PLCL1: variants seen among roughly 807,000 people sequenced by gnomAD.
PLCL1 encodes inactive phospholipase C-like protein 1.
In PLCL1, 41 loss-of-function variants were observed where a neutral mutation model predicts 84.4. The observed-to-expected ratio is 0.49, with a 90% CI of 0.38 to 0.63. PLCL1 has a LOEUF of 0.63. Among genes scored for constraint, PLCL1 ranks in the 30% least tolerant of loss-of-function variants. The pLI, the probability that PLCL1 is intolerant of heterozygous loss-of-function variation, is 0.00. For synonymous variants in PLCL1, 490 were observed against 488.3 expected (o/e 1.00, Z -0.05); for missense variants, 1,206 against 1,367.8 (o/e 0.88, Z 1.87).
At position 197,805,394 on chromosome 2, in the gene PLCL1, G is replaced by A. The variant is rs540907120; in HGVS notation, c.240+55G>A. The A allele has an allele frequency of 7.6e-6, 10 of 1,308,312 alleles. No individual in the cohort carries two copies. The highest frequency in any genetic ancestry group is 6.2e-5 in the East Asian group (2 of 32,496). 81.0% of individuals were successfully genotyped at this position (1,308,312 alleles called of 1,614,324 possible). On this transcript the variant is annotated intron_variant, in intron 1 of 5. Coordinates refer to ENST00000428675, the MANE Select transcript of PLCL1 (RefSeq NM_006226.4). The surrounding 1 kb of genome is among the most constrained non-coding windows in gnomAD (Gnocchi z 4.0). ...TGGCTGTGGGTGATGGGTGGGTCAG[G>A]GACCCGGGCAGGATGTGCGGTGTCC... is the stretch of plus-strand genomic sequence containing the variant.
intron 1 of PLCL1, among the ~76,000 whole-genome samples, chr2:198,079,785 A>C (rs1310081682): frequency 6.6e-6 from 1 of 152,180 alleles, no homozygotes; most frequent in African/African-American, 2.4e-5. Flanking sequence ...AGAAATGATA[A>C]TTTGGAGACT....
At position 198,117,338 on chromosome 2, in the gene PLCL1, C is replaced by CTT. The variant is rs5837581; in HGVS notation, c.3105+13412_3105+13413dup. Among the ~76,000 whole-genome samples the CTT allele has an allele frequency of 5.5e-3, 775 of 140,526 alleles. 7 individuals carry two copies. The highest frequency in any genetic ancestry group is 0.021 in the South Asian group (93 of 4,446). 92.2% of individuals were successfully genotyped at this position (140,526 alleles called of 152,430 possible). Reference sequence around the variant, plus strand: ...ATCAGTCATTTTCTGTTTTTTTTTTCTTTTTTTTTTTCAGATTCAATTGGG... The same window carrying CTT: ...ATCAGTCATTTTCTGTTTTTTTTTTCTTTTTTTTTTTTTCAGATTCAATTGGG... On this transcript the variant is annotated intron_variant, in intron 5 of 5. Transcript: ENST00000428675.
intron 5 of PLCL1, among the ~76,000 whole-genome samples, chr2:198,128,624 T>G (rs1417996878): frequency 6.6e-6 from 1 of 152,160 alleles, no homozygotes; most frequent in Non-Finnish European, 1.5e-5. Flanking sequence ...GCAAAACTTC[T>G]CAAGTACTGA....
chr2:197,832,368 T>C (rs974278863), intron 1 of PLCL1, among the ~76,000 whole-genome samples: 21 of 152,170 alleles, frequency 1.4e-4, no homozygotes, highest in Admixed American at 1.3e-3. Context: ...AAGAGAATAC[T>C]ATAAACACCT....
chr2:198,136,210 T>A lies in PLCL1; in HGVS notation c.3106-10570T>A, dbSNP rs541394937. ...TGTTATTTCTGTTTATATAATAGAA[T>A]AATAATTGCTAACGATCATTAGAGT... On this transcript the variant is annotated intron_variant, in intron 5 of 5. Coordinates refer to ENST00000428675, the MANE Select transcript of PLCL1 (RefSeq NM_006226.4). Among the ~76,000 whole-genome samples the A allele has an allele frequency of 1.7e-3, 253 of 152,302 alleles. 1 individual carries two copies. Among genetic ancestry groups the A allele is most frequent in the African/African-American group, 5.8e-3 (242 of 41,586 alleles).
chr2:198,100,080 A>G (rs1401751102), intron 3 of PLCL1, among the ~76,000 whole-genome samples: 1 of 152,168 alleles, frequency 6.6e-6, no homozygotes, highest in Non-Finnish European at 1.5e-5. Flanking sequence ...AGAAGTGGTC[A>G]GTAATAAATA....
At chr2:197,860,756 T>A (rs1687416327) in intron 1 of PLCL1, among the ~76,000 whole-genome samples, 1 of 152,214 alleles carries the variant, frequency 6.6e-6, no homozygotes. Flanking sequence ...TCCTTATAGA[T>A]GCTGGATATT....
At position 198,148,278 on chromosome 2, in the gene PLCL1, C is replaced by G. The variant is rs1022468933; in HGVS notation, c.*1316C>G. The G allele has an allele frequency of 1.3e-5, 2 of 152,182 alleles. No homozygotes were observed. The allele number at this position is 152,182 out of a possible 1,614,324, so 9.4% of individuals were successfully genotyped here. On this transcript the variant is annotated 3_prime_UTR_variant, in exon 6 of 6. Coordinates refer to ENST00000428675, the MANE Select transcript of PLCL1 (RefSeq NM_006226.4). ...AACAAATATGCTAATTTGGGGAAAC[C>G]TAGAGAAGATAATTGTTGAAATTTT...
chr2:197,818,159 A>G (rs934402167), intron 1 of PLCL1, among the ~76,000 whole-genome samples: 1 of 152,092 alleles, frequency 6.6e-6, no homozygotes, highest in Non-Finnish European at 1.5e-5. Context: ...AGATTTACCA[A>G]TAGGGAGAAA....
At chr2:198,139,283 G>A (rs1053513774) in intron 5 of PLCL1, among the ~76,000 whole-genome samples, 4 of 152,134 alleles carry the variant, frequency 2.6e-5, no homozygotes, top group Non-Finnish European at 4.4e-5. Context: ...ATGTTATGCC[G>A]ACCTTAATTG....
rs1184163632 is a variant in PLCL1, at chr2:197,897,198, C to CT, written c.240+91861dup. Among the ~76,000 whole-genome samples, 4 of 31,538 alleles carry CT rather than the reference C, an allele frequency of 1.3e-4. 1 individual carries two copies. Among genetic ancestry groups the CT allele is most frequent in the Admixed American group, 7.9e-4 (2 of 2,544 alleles). The allele number at this position is 31,538 out of a possible 152,430, so 20.7% of individuals were successfully genotyped here. A position where few individuals can be genotyped will look rare whatever the true frequency, so the allele number is the denominator to read the frequency against. ...TCTTCTTCTTCTTCTTCTCCTTCTC[C>CT]TTCTTCTTTCTTCTTCCTCTTCTTC... On this transcript the variant is annotated intron_variant, in intron 1 of 5. Coordinates refer to ENST00000428675, the MANE Select transcript of PLCL1 (RefSeq NM_006226.4).
chr2:197,893,594 A>C (rs907040825), intron 1 of PLCL1, among the ~76,000 whole-genome samples: 2 of 152,238 alleles, frequency 1.3e-5, no homozygotes, highest in Non-Finnish European at 2.9e-5. Context: ...TGAGGCTCAG[A>C]GAAGTGAAAT....
At chr2:197,952,150 T>G (rs1364528993) in intron 1 of PLCL1, among the ~76,000 whole-genome samples, 2 of 152,124 alleles carry the variant, frequency 1.3e-5, no homozygotes, top group African/African-American at 4.8e-5. Context: ...GCAGTGAAAG[T>G]TTTCTTTACA....
intron 1 of PLCL1, among the ~76,000 whole-genome samples, chr2:197,901,389 A>G (rs1688264897): frequency 6.6e-6 from 1 of 152,246 alleles, no homozygotes. Context: ...AGCTGGTGAG[A>G]TGCACAGGAC....
intron 3 of PLCL1, among the ~76,000 whole-genome samples, chr2:198,097,708 G>A (rs891828856): frequency 5.3e-5 from 8 of 152,146 alleles, no homozygotes; most frequent in African/African-American, 1.2e-4. Context: ...GGAGACAAAC[G>A]TCCTCTGACT....
intron 1 of PLCL1, among the ~76,000 whole-genome samples, chr2:197,943,360 A>G (rs1379417581): frequency 6.6e-6 from 1 of 152,202 alleles, no homozygotes; most frequent in African/African-American, 2.4e-5. Flanking sequence ...TAAGACACAC[A>G]CACACACACA....
chr2:197,941,247 GT>G (rs1689152905), intron 1 of PLCL1, among the ~76,000 whole-genome samples: 1 of 151,894 alleles, frequency 6.6e-6, no homozygotes, highest in South Asian at 2.1e-4. Context: ...TGGGAAGCAA[GT>G]GCCCCCATGC....
intron 1 of PLCL1, among the ~76,000 whole-genome samples, chr2:198,019,077 T>C (rs1397201043): frequency 6.6e-6 from 1 of 152,152 alleles, no homozygotes; most frequent in African/African-American, 2.4e-5. Context: ...CTGCTGGTGA[T>C]ACCCAGGCAA....
chr2:197,861,471 G>A (rs982501007), intron 1 of PLCL1, among the ~76,000 whole-genome samples: 1 of 152,138 alleles, frequency 6.6e-6, no homozygotes, highest in East Asian at 1.9e-4. Context: ...GTATAAATAA[G>A]TGTTTCCCTG....
Sources: allele counts gnomAD v4.1 joint callset (sites outside exome capture counted in the v4.1 genomes callset), GRCh38; gene constraint gnomAD v4.1.1; non-coding constraint Gnocchi (gnomAD v3.1); transcripts MANE v1.5; gene names NCBI Gene and HGNC (gene_info 2026-07-23, HGNC 2026-07-21).